NBAS: variants seen among roughly 807,000 people sequenced by gnomAD.
NBAS encodes the protein NAG/BC035112 fusion.
NBAS carries 219 observed loss-of-function variants against 302.5 expected under a neutral mutation model. The observed-to-expected ratio is 0.72, with a 90% CI of 0.65 to 0.81. The LOEUF is 0.81. NBAS is among the 30% of genes least tolerant of loss of function. The pLI, the probability that NBAS is intolerant of heterozygous loss-of-function variation, is 0.00. For synonymous variants in NBAS, 1,118 were observed against 1,021.6 expected, an observed-to-expected ratio of 1.09 and a Z score of -1.80; for missense variants, 2,932 against 2,841.6, an observed-to-expected ratio of 1.03 and a Z score of -0.72.
the NBAS span, among the ~76,000 whole-genome samples, chr2:14,867,408 G>A: frequency 6.6e-6 from 1 of 152,156 alleles, no homozygotes; most frequent in East Asian, 1.9e-4. Context: ...GGTAAGACCT[G>A]AGCAATTGGC....
At chr2:15,134,962 C>A in the NBAS span, among the ~76,000 whole-genome samples, 1 of 152,086 alleles carries the variant, frequency 6.6e-6, no homozygotes, top group East Asian at 1.9e-4. Context: ...AATGCCATTC[C>A]CCCGTCTTGC....
intron 50 of NBAS, among the ~76,000 whole-genome samples, chr2:15,185,747 C>G (rs1015536185): frequency 6.6e-6 from 1 of 151,994 alleles, no homozygotes; most frequent in African/African-American, 2.4e-5. Flanking sequence ...AGTTGGAAGA[C>G]TTCTTTAAAT....
chr2:15,373,891 C>T (rs1231470219), intron 31 of NBAS, among the ~76,000 whole-genome samples: 1 of 152,170 alleles, frequency 6.6e-6, no homozygotes, highest in Admixed American at 6.5e-5. Context: ...TACCAAGCCA[C>T]TCTGTTCATT....
chr2:15,528,560 A>G (rs1490103614), intron 9 of NBAS, among the ~76,000 whole-genome samples: 1 of 149,804 alleles, frequency 6.7e-6, no homozygotes, highest in Non-Finnish European at 1.5e-5. Context: ...TATTTTAGAC[A>G]TCAGTAAAAT....
chr2:15,176,723 T>A (rs151169353), intron 51 of NBAS, among the ~76,000 whole-genome samples: 45 of 152,306 alleles, frequency 3.0e-4, no homozygotes, highest in Admixed American at 1.4e-3. Context: ...CCTTTGAATG[T>A]CATGTTGGTG....
the NBAS span, among the ~76,000 whole-genome samples, chr2:14,836,038 G>C: frequency 6.6e-6 from 1 of 151,872 alleles, no homozygotes; most frequent in Non-Finnish European, 1.5e-5. Context: ...GTGGCATAAA[G>C]GCATAAAGTT....
the NBAS span, among the ~76,000 whole-genome samples, chr2:15,159,460 T>C: frequency 6.6e-6 from 1 of 152,134 alleles, no homozygotes; most frequent in Non-Finnish European, 1.5e-5. Context: ...GACCAGCACG[T>C]TACAACATGG....
chr2:15,380,577 A>C (rs1225831902), intron 29 of NBAS, among the ~76,000 whole-genome samples: 1 of 90,480 alleles, frequency 1.1e-5, no homozygotes, highest in South Asian at 3.1e-4. Context: ...TAAATAAAAC[A>C]AGAGACACTG....
the NBAS span, among the ~76,000 whole-genome samples, chr2:14,825,884 T>C: frequency 6.6e-6 from 1 of 152,274 alleles, no homozygotes; most frequent in Admixed American, 6.5e-5. Flanking sequence ...AGGACACGGG[T>C]GTTCCAGGTG....
chr2:15,313,500 T>C (rs895155586), intron 38 of NBAS, among the ~76,000 whole-genome samples: 4 of 152,224 alleles, frequency 2.6e-5, no homozygotes, highest in Non-Finnish European at 4.4e-5. Context: ...ATGTCTTTCT[T>C]GATCAGTACC....
chr2:15,268,764 A>G (rs1010168769), intron 44 of NBAS, among the ~76,000 whole-genome samples: 2 of 152,218 alleles, frequency 1.3e-5, no homozygotes, highest in African/African-American at 4.8e-5. Flanking sequence ...CACAGTCTCC[A>G]GGCCAATTCT....
chr2:15,076,329 G>C, the NBAS span, among the ~76,000 whole-genome samples: 13 of 152,214 alleles, frequency 8.5e-5, no homozygotes, highest in Non-Finnish European at 1.9e-4. Context: ...ATAGGACCTA[G>C]TGTTTCTCAG....
intron 51 of NBAS, among the ~76,000 whole-genome samples, chr2:15,177,415 C>T (rs1236207729): frequency 6.6e-6 from 1 of 152,124 alleles, no homozygotes. Flanking sequence ...CAGTTAGGGA[C>T]CGCCTGTGCT....
intron 44 of NBAS, among the ~76,000 whole-genome samples, chr2:15,246,407 T>A (rs1572518479): frequency 6.6e-6 from 1 of 152,344 alleles, no homozygotes; most frequent in South Asian, 2.1e-4. Flanking sequence ...AGACCTAACA[T>A]AATGTCTAAC....
chr2:14,955,072 T>A, the NBAS span, among the ~76,000 whole-genome samples: 2 of 152,194 alleles, frequency 1.3e-5, no homozygotes, highest in Non-Finnish European at 2.9e-5. Context: ...GTTAGTTACT[T>A]CCTAGATACA....
the NBAS span, among the ~76,000 whole-genome samples, chr2:15,038,257 G>A: frequency 9.9e-5 from 15 of 151,716 alleles, no homozygotes; most frequent in South Asian, 4.2e-4. Flanking sequence ...GGACTATGGC[G>A]CGCACCACAA....
intron 19 of NBAS, among the ~76,000 whole-genome samples, chr2:15,462,399 A>G (rs1448399803): frequency 6.6e-6 from 1 of 152,194 alleles, no homozygotes; most frequent in Non-Finnish European, 1.5e-5. Context: ...GCTGAAACAT[A>G]AAAGACAATG....
downstream of NBAS, among the ~76,000 whole-genome samples, chr2:15,161,939 T>G (rs1015004490): frequency 6.6e-5 from 10 of 152,176 alleles, no homozygotes; most frequent in African/African-American, 2.4e-4. Flanking sequence ...CTGACCACAC[T>G]ACGTGCAGAT....
intron 44 of NBAS, among the ~76,000 whole-genome samples, chr2:15,242,421 T>C (rs1667905174): frequency 6.6e-6 from 1 of 152,178 alleles, no homozygotes; most frequent in South Asian, 2.1e-4. Context: ...TGATTAAAAA[T>C]ATGTAAGGTG....
Sources: gnomAD v4.1 joint callset for allele counts (sites outside exome capture counted in the v4.1 genomes callset) on GRCh38, gnomAD v4.1.1 for gene constraint, MANE v1.5 for transcripts, NCBI Gene and HGNC (gene_info 2026-07-23, HGNC 2026-07-21) for gene names.